The following PRELID2 variants were observed in gnomAD, a reference collection of about 807,000 sequenced individuals.
PRELID2 encodes PRELI domain containing 2, also known as PRELI domain-containing protein 2.
PRELID2 carries 25 observed loss-of-function variants against 28.4 expected under a neutral mutation model. The ratio of observed to expected loss-of-function variants is 0.88; its 90% CI spans 0.64 to 1.23. The LOEUF (loss-of-function observed/expected upper bound fraction) is 1.23. PRELID2 is among the 50% of genes most tolerant of loss of function. The pLI is 0.00. For synonymous variants in PRELID2, 76 were observed against 71.6 expected (o/e 1.06, Z -0.31); for missense variants, 201 against 214.4 (o/e 0.94, Z 0.39).
chr5:145,383,598 G>A, the PRELID2 span, among the ~76,000 whole-genome samples: 1 of 148,522 alleles, frequency 6.7e-6, no homozygotes, highest in Non-Finnish European at 1.5e-5. Flanking sequence ...AACAAATGAT[G>A]TGAAATAACT....
intron 1 of PRELID2, among the ~76,000 whole-genome samples, chr5:145,661,643 G>T (rs1322875564): frequency 1.5e-5 from 2 of 137,850 alleles, no homozygotes; most frequent in Admixed American, 1.5e-4. Flanking sequence ...ATGATTCCAG[G>T]ACGTTAAAAA....
chr5:145,346,715 C>G, the PRELID2 span, among the ~76,000 whole-genome samples: 1 of 152,096 alleles, frequency 6.6e-6, no homozygotes, highest in East Asian at 1.9e-4. Context: ...ACACTATACT[C>G]TCAGTTCTGG....
the PRELID2 span, among the ~76,000 whole-genome samples, chr5:145,334,772 T>G: frequency 5.4e-5 from 3 of 55,422 alleles, no homozygotes; most frequent in South Asian, 1.3e-3. Flanking sequence ...TGTTTGTCAG[T>G]TTTTTTTTTT....
At chr5:145,279,955 T>C in the PRELID2 span, among the ~76,000 whole-genome samples, 1 of 152,180 alleles carries the variant, frequency 6.6e-6, no homozygotes, top group Non-Finnish European at 1.5e-5. Flanking sequence ...TAATAGTTGC[T>C]GCCCTCTTGT....
chr5:145,354,999 C>T, the PRELID2 span, among the ~76,000 whole-genome samples: 1 of 152,068 alleles, frequency 6.6e-6, no homozygotes, highest in African/African-American at 2.4e-5. Flanking sequence ...AATGAAAATT[C>T]GTTCAGTGGC....
intron 5 of PRELID2, among the ~76,000 whole-genome samples, chr5:145,774,534 C>CT (rs1758294544): frequency 6.6e-6 from 1 of 152,222 alleles, no homozygotes; most frequent in Admixed American, 6.5e-5. Flanking sequence ...TATATGGACT[C>CT]TATCTGACTA....
intron 1 of PRELID2, among the ~76,000 whole-genome samples, chr5:145,829,659 C>T (rs1755453252): frequency 6.6e-6 from 1 of 152,148 alleles, no homozygotes; most frequent in African/African-American, 2.4e-5. Flanking sequence ...GTCTTCCCCA[C>T]CCCATCCAAT....
chr5:145,405,699 GTTGTTT>G, the PRELID2 span, among the ~76,000 whole-genome samples: 7 of 45,990 alleles, frequency 1.5e-4, no homozygotes, highest in African/African-American at 1.5e-4. Flanking sequence ...GTACCACATA[GTTGTTT>G]TTTTTTTTTT....
At chr5:145,697,076 T>TAA (rs1359786700) in intron 1 of PRELID2, among the ~76,000 whole-genome samples, 1 of 110,454 alleles carries the variant, frequency 9.1e-6, no homozygotes, top group African/African-American at 4.0e-5. Context: ...TATATATATA[T>TAA]ATATACACAC....
At chr5:145,720,363 GA>G (rs960625072) in intron 1 of PRELID2, among the ~76,000 whole-genome samples, 5 of 149,536 alleles carry the variant, frequency 3.3e-5, no homozygotes, top group Admixed American at 6.7e-5. Flanking sequence ...TCCCAGAAGG[GA>G]AAAAAAAATC....
chr5:145,328,726 G>T, the PRELID2 span, among the ~76,000 whole-genome samples: 1 of 151,534 alleles, frequency 6.6e-6, no homozygotes, highest in African/African-American at 2.4e-5. Flanking sequence ...TCTGTAGGTT[G>T]CCTGTTCACT....
At chr5:145,466,182 CA>C in the PRELID2 span, among the ~76,000 whole-genome samples, 1 of 151,966 alleles carries the variant, frequency 6.6e-6, no homozygotes, top group African/African-American at 2.4e-5. Context: ...ATGAGAAAAA[CA>C]GATAAGAACA....
intron 2 of PRELID2, among the ~76,000 whole-genome samples, chr5:145,821,152 G>GTGTGTGTGTGTGTGTGTGTGTGTGT (rs1754761991): frequency 6.8e-5 from 6 of 88,262 alleles, no homozygotes; most frequent in East Asian, 2.8e-4. Flanking sequence ...AACTCTCCTG[G>GTGTGTGTGTGTGTGTGTGTGTGTGT]GTGTGTGTGT....
intron 1 of PRELID2, among the ~76,000 whole-genome samples, chr5:145,507,063 A>G (rs1752418650): frequency 6.6e-6 from 1 of 152,204 alleles, no homozygotes; most frequent in Non-Finnish European, 1.5e-5. Context: ...CTAGAGCATC[A>G]CTTAGCATAC....
intron 1 of PRELID2, among the ~76,000 whole-genome samples, chr5:145,648,097 T>C (rs989193243): frequency 3.3e-5 from 5 of 152,224 alleles, no homozygotes; most frequent in Non-Finnish European, 5.9e-5. Context: ...AAGTTGAAGA[T>C]GTATATATTT....
intron 1 of PRELID2, among the ~76,000 whole-genome samples, chr5:145,654,662 A>T (rs1754360395): frequency 1.3e-5 from 2 of 152,210 alleles, no homozygotes; most frequent in Non-Finnish European, 2.9e-5. Flanking sequence ...TGATTATCTC[A>T]ATAGATGCAG....
At chr5:145,751,028 G>T (rs1757110589) in intron 1 of PRELID2, among the ~76,000 whole-genome samples, 1 of 152,152 alleles carries the variant, frequency 6.6e-6, no homozygotes. Flanking sequence ...AAACTGGTAT[G>T]TTACAAGCAT....
intron 1 of PRELID2, among the ~76,000 whole-genome samples, chr5:145,585,667 G>A (rs367627180): frequency 5.3e-5 from 8 of 152,128 alleles, no homozygotes; most frequent in East Asian, 3.9e-4. Flanking sequence ...AACAATAAAC[G>A]AAGTCTACTA....
the PRELID2 span, among the ~76,000 whole-genome samples, chr5:145,421,457 C>A: frequency 6.7e-6 from 1 of 150,256 alleles, no homozygotes; most frequent in East Asian, 1.9e-4. Flanking sequence ...CTGGTTTAGT[C>A]TTGGGAGAGT....
Sources: gnomAD v4.1 joint callset for allele counts (sites outside exome capture counted in the v4.1 genomes callset) on GRCh38, gnomAD v4.1.1 for gene constraint, MANE v1.5 for transcripts, NCBI Gene and HGNC (gene_info 2026-07-23, HGNC 2026-07-21) for gene names.